GREB1: variants seen among roughly 807,000 people sequenced by gnomAD.
The protein encoded by GREB1 is protein GREB1.
Under a neutral mutation model 200.7 loss-of-function variants are expected in GREB1, and 106 were observed. The ratio of observed to expected loss-of-function variants is 0.53; its 90% CI spans 0.45 to 0.62. The LOEUF (loss-of-function observed/expected upper bound fraction) is 0.62. Ranked by LOEUF, GREB1 falls within the 20% of genes least tolerant of loss-of-function variation. The probability of loss-of-function intolerance (pLI) is 0.00; values close to 1 mark genes in which losing one functional copy is unlikely to be tolerated. For missense variants in GREB1, 2,243 were observed against 2,556.8 expected, an observed-to-expected ratio of 0.88 and a Z score of 2.65; for synonymous variants, 1,132 against 1,092.4, an observed-to-expected ratio of 1.04 and a Z score of -0.72.
chr2:11,640,168 G>C lies in GREB1; in HGVS notation c.5687-123G>C. On this transcript the variant is annotated intron_variant, in intron 32 of 32. Coordinates refer to ENST00000381486, the MANE Select transcript of GREB1 (RefSeq NM_014668.4). The surrounding 1 kb of genome is among the most constrained non-coding windows in gnomAD (Gnocchi z 4.6). ...CCGAAAGAAGCAAGGGGCCGACTTG[G>C]ATGCCGCTTCTGCCCTTCCCAACAG... The C allele has an allele frequency of 1.2e-6, 1 of 842,868 alleles. No individual in the cohort carries two copies. Among genetic ancestry groups the C allele is most frequent in the Non-Finnish European group, 1.8e-6 (1 of 551,726 alleles). 52.2% of individuals were successfully genotyped at this position (842,868 alleles called of 1,614,324 possible). A position where few individuals can be genotyped will look rare whatever the true frequency, so the allele number is the denominator to read the frequency against.
intron 17 of GREB1, among the ~76,000 whole-genome samples, chr2:11,607,465 T>G (rs1046414031): frequency 5.0e-5 from 6 of 119,112 alleles, no homozygotes; most frequent in African/African-American, 1.8e-4. Context: ...TGTGTGTATA[T>G]ATATATACAC....
intron 1 of GREB1, among the ~76,000 whole-genome samples, chr2:11,524,324 A>G (rs1298757338): frequency 1.3e-5 from 2 of 152,178 alleles, no homozygotes; most frequent in African/African-American, 4.8e-5. Flanking sequence ...ACAGGTTGCA[A>G]TGCAGTTGCT....
chr2:11,620,781 T>C, intron 22 of GREB1, 124 bp from the exon 23 acceptor site: 1 of 644,142 alleles, frequency 1.6e-6, no homozygotes, highest in Non-Finnish European at 2.8e-6. Flanking sequence ...TCCACAGGGT[T>C]CTCATTTTAA....
intron 15 of GREB1, among the ~76,000 whole-genome samples, chr2:11,600,132 G>T (rs1293292254): frequency 6.6e-6 from 1 of 152,328 alleles, no homozygotes; most frequent in Non-Finnish European, 1.5e-5. Flanking sequence ...CCATGTGTGG[G>T]CTTGGGGGAA....
At chr2:11,603,990 C>T (rs1682016207) in intron 17 of GREB1, among the ~76,000 whole-genome samples, 2 of 152,196 alleles carry the variant, frequency 1.3e-5, no homozygotes, top group African/African-American at 2.4e-5. Context: ...TGGACCCCAA[C>T]CCTGCTTGCT....
At position 11,610,816 on chromosome 2, in the gene GREB1, C is replaced by T. The variant is rs776903357; in HGVS notation, c.2795C>T (p.Thr932Met). ...NYTSVETLEI[T>M]QNLLNSPKQC... ...ACGTCGGTGGAGACGCTGGAGATCA[C>T]GCAGAACCTCCTCAACTCCCCGAAG... The change falls in exon 18 of 33, where the codon ACG becomes ATG. Residue 932 changes from threonine (T) to methionine (M), a missense_variant. Thr to Met is a moderately conservative substitution (Grantham distance 81, BLOSUM62 -1). Coordinates refer to ENST00000381486, the MANE Select transcript of GREB1 (RefSeq NM_014668.4). 1.7e-5 allele frequency: 28 copies of T among 1,613,466 alleles called. No homozygotes were observed. In the East Asian group the frequency reaches 2.2e-4, roughly 13 times the overall value.
intron 1 of GREB1, among the ~76,000 whole-genome samples, chr2:11,516,348 G>A (rs974584324): frequency 7.3e-5 from 11 of 149,954 alleles, no homozygotes; most frequent in Admixed American, 6.6e-4. Flanking sequence ...GTGTGTGTGT[G>A]CACGCAATCT....
intron 30 of GREB1, among the ~76,000 whole-genome samples, chr2:11,636,238 T>TA (rs1685307570): frequency 6.6e-6 from 1 of 152,214 alleles, no homozygotes; most frequent in African/African-American, 2.4e-5. Context: ...ATTGAGATCT[T>TA]ACGATTGTGT....
rs1680907151 is a variant in GREB1, at chr2:11,593,169, G to C, written c.1696+43G>C. 5.2e-6 allele frequency: 7 copies of C among 1,340,136 alleles called. No homozygotes were observed. The East Asian group carries it at 1.8e-4, about 34-fold the overall frequency. The allele number at this position is 1,340,136 out of a possible 1,614,324, so 83.0% of individuals were successfully genotyped here. A position where few individuals can be genotyped will look rare whatever the true frequency, so the allele number is the denominator to read the frequency against. On this transcript the variant is annotated intron_variant, in intron 11 of 32. Coordinates refer to ENST00000381486, the MANE Select transcript of GREB1 (RefSeq NM_014668.4). ...CGGCTGCGGGAAAGCCCCCTGAACG[G>C]TGTTCCCGGTCCCCTCCTTTGGTGG...
chr2:11,485,735 A>G (rs1402459723), intron 1 of GREB1, among the ~76,000 whole-genome samples: 1 of 152,208 alleles, frequency 6.6e-6, no homozygotes, highest in Non-Finnish European at 1.5e-5. Flanking sequence ...GGCATTATAG[A>G]TGTTCATTCT....
chr2:11,640,425 C>T lies in GREB1; in HGVS notation c.5821C>T (p.Leu1941Phe), dbSNP rs199834364. 1.9e-4 allele frequency: 305 copies of T among 1,614,196 alleles called. 1 individual carries two copies. Among genetic ancestry groups the T allele is most frequent in the Non-Finnish European group, 6.9e-5 (81 of 1,180,048 alleles). Residue 1941 changes from leucine (L) to phenylalanine (F), a missense_variant, in exon 33 of 33, where the codon CTC becomes TTC. Physicochemically the swap from Leu to Phe is conservative, Grantham distance 22 (BLOSUM62 0). Transcript: ENST00000381486. This position sits in a 1 kb window ranked among gnomAD's most constrained non-coding sequence, Gnocchi z 4.6. ...CGCCAATGCCAGGGAAGACCGGCCG[C>T]TCTTTTTTCTGACGGGACGACACAT... ...QTANAREDRP[L>F]FFLTGRHI
intron 1 of GREB1, among the ~76,000 whole-genome samples, chr2:11,485,274 TA>T (rs1672628473): frequency 2.6e-5 from 1 of 38,994 alleles, no homozygotes; most frequent in African/African-American, 8.6e-5. Context: ...TATATATATG[TA>T]TTTTTTTTTT....
In GREB1 at chr2:11,632,930, C is replaced by T; in HGVS notation, c.4858C>T (p.Leu1620=). 1 of 1,614,164 alleles carries T rather than the reference C, an allele frequency of 6.2e-7. No individual in the cohort carries two copies. Among genetic ancestry groups the T allele is most frequent in the Non-Finnish European group, 8.5e-7 (1 of 1,180,026 alleles). The change falls in exon 28 of 33, where the codon CTG becomes TTG. Residue 1620 remains leucine, a synonymous_variant. Transcript: ENST00000381486. ...FLIKELSYHN[L]ELERNRQEEL... ...CATCAAGGAGCTGTCCTACCATAAC[C>T]TGGAGCTCGAGCGGAACCGGCAGGA...
chr2:11,515,516 G>A (rs1673468248), intron 1 of GREB1, among the ~76,000 whole-genome samples: 2 of 152,100 alleles, frequency 1.3e-5, no homozygotes, highest in South Asian at 2.1e-4. Flanking sequence ...CTGCCCCTCC[G>A]AGGTTTTCTC....
Position 11,618,576 on chromosome 2 carries a change from C to A in GREB1, c.3701C>A (p.Ala1234Glu), listed in dbSNP as rs374686002. The change falls in exon 22 of 33, where the codon GCG (alanine) becomes GAG (glutamate). Residue 1234 changes from alanine to glutamate, a missense_variant. By Grantham distance (107) the Ala-to-Glu change is moderately radical. Around this residue, in one of 3 missense-constraint regions of GREB1, gnomAD observed 587 missense variants for 553.1 expected, o/e 1.06. Coordinates refer to ENST00000381486, the MANE Select transcript of GREB1 (RefSeq NM_014668.4). ...SSSGSSSSSVAPAAGTWVLQA... is the reference protein window; with the variant it reads ...SSSGSSSSSVEPAAGTWVLQA... Reference sequence around the variant, plus strand: ...TCGGGCTCATCCTCCTCATCCGTGGCGCCCGCTGCCGGCACGTGGGTCCTG... The same window carrying A: ...TCGGGCTCATCCTCCTCATCCGTGGAGCCCGCTGCCGGCACGTGGGTCCTG... 1.2e-6 allele frequency: 2 copies of A among 1,612,946 alleles called. No homozygotes were observed. The highest frequency in any genetic ancestry group is 2.2e-5 in the East Asian group (1 of 44,862).
chr2:11,557,821 G>T (rs2147880696), intron 2 of GREB1, among the ~76,000 whole-genome samples: 1 of 152,312 alleles, frequency 6.6e-6, no homozygotes, highest in East Asian at 1.9e-4. Flanking sequence ...GGAAAACCAA[G>T]AATTCGCTGG....
Position 11,488,968 on chromosome 2 carries a change from G to A in GREB1, c.-159+6587G>A, listed in dbSNP as rs532304685. 2.1e-4 allele frequency among the ~76,000 whole-genome samples: 31 copies of A among 150,516 alleles called. No individual in the cohort carries two copies. In the East Asian group the frequency reaches 4.7e-3, roughly 23 times the overall value. On this transcript the variant is annotated intron_variant, in intron 1 of 2. Transcript: ENST00000628795. ...GTCTGATATTGTCTCCTCCCAGTAT[G>A]CAACATAGGTGATTAGATCACTTTT...
chr2:11,555,433 AAAC>A (rs1676336557), intron 1 of GREB1, among the ~76,000 whole-genome samples: 1 of 152,232 alleles, frequency 6.6e-6, no homozygotes, highest in African/African-American at 2.4e-5. Context: ...GGAAAAACAA[AAAC>A]AATAAAAATG....
At chr2:11,576,262 G>T in intron 4 of GREB1, 91 bp from the exon 5 acceptor site, 1 of 1,020,962 alleles carries the variant, frequency 9.8e-7, no homozygotes, top group South Asian at 1.6e-5. Context: ...AGCCGAGATC[G>T]CACCATTGCA....
Sources: allele counts gnomAD v4.1 joint callset (sites outside exome capture counted in the v4.1 genomes callset), GRCh38; gene constraint gnomAD v4.1.1; regional missense constraint gnomAD v4.1.1; non-coding constraint Gnocchi (gnomAD v3.1); transcripts MANE v1.5; gene names NCBI Gene and HGNC (gene_info 2026-07-23, HGNC 2026-07-21).